Variants in TNFSF4 observed in about 807,000 individuals in gnomAD.
The protein encoded by TNFSF4 is tumor necrosis factor ligand superfamily member 4.
TNFSF4 carries 4 observed loss-of-function variants against 7.3 expected under a neutral mutation model. The observed-to-expected ratio is 0.55, with a 90% confidence interval of 0.27 to 1.25. The LOEUF (loss-of-function observed/expected upper bound fraction) is 1.25. TNFSF4 is among the 50% of genes most tolerant of loss of function. The pLI is 0.12. For synonymous variants in TNFSF4, 76 were observed against 83.7 expected (o/e 0.91, Z 0.50); for missense variants, 181 against 208.8 (o/e 0.87, Z 0.82).
chr1:173,306,612 T>A, the TNFSF4 span, among the ~76,000 whole-genome samples: 2 of 151,936 alleles, frequency 1.3e-5, no homozygotes, highest in African/African-American at 4.8e-5. Context: ...CTACACTTCC[T>A]ACACTTGTCT....
chr1:173,184,266 A>G lies in TNFSF4; in HGVS notation c.*2250T>C, dbSNP rs903611752. 3.3e-5 allele frequency: 5 copies of G among 152,346 alleles called. No homozygotes were observed. The highest frequency in any genetic ancestry group is 9.6e-5 in the African/African-American group (4 of 41,580). The allele number at this position is 152,346 out of a possible 1,614,324, so 9.4% of individuals were successfully genotyped here. A position where few individuals can be genotyped will look rare whatever the true frequency, so the allele number is the denominator to read the frequency against. On this transcript the variant is annotated 3_prime_UTR_variant, in exon 3 of 3. Transcript: ENST00000281834. ...TAAAATTCTGATCTCCTGACTTTTCATTCAATTCTTTTCCCACAAAACTCT... is the reference window on the plus strand; with the variant it reads ...TAAAATTCTGATCTCCTGACTTTTCGTTCAATTCTTTTCCCACAAAACTCT...
chr1:173,351,507 A>G, the TNFSF4 span, among the ~76,000 whole-genome samples: 347 of 152,314 alleles, frequency 2.3e-3, 3 homozygotes, highest in Non-Finnish European at 1.5e-3. Flanking sequence ...TCAGAAGTCA[A>G]AAAGGGATTG....
At chr1:173,327,488 C>A in the TNFSF4 span, among the ~76,000 whole-genome samples, 9 of 151,274 alleles carry the variant, frequency 5.9e-5, no homozygotes, top group Middle Eastern at 3.4e-3. Flanking sequence ...GCAACAAAAG[C>A]CAAAATTGAC....
the TNFSF4 span, among the ~76,000 whole-genome samples, chr1:173,255,660 C>T: frequency 6.6e-6 from 1 of 152,326 alleles, no homozygotes; most frequent in East Asian, 1.9e-4. Context: ...ACTAGTTAGA[C>T]ACATACTAGC....
the TNFSF4 span, among the ~76,000 whole-genome samples, chr1:173,333,198 G>A: frequency 6.6e-6 from 1 of 152,130 alleles, no homozygotes. Flanking sequence ...AGGCATTTTG[G>A]CAAGCCTTAT....
the TNFSF4 span, among the ~76,000 whole-genome samples, chr1:173,244,648 A>AAC: frequency 7.8e-6 from 1 of 128,042 alleles, no homozygotes; most frequent in African/African-American, 3.1e-5. Context: ...TCTCAAAAAA[A>AAC]AACAAAAAAC....
chr1:173,324,140 C>T, the TNFSF4 span, among the ~76,000 whole-genome samples: 2 of 152,192 alleles, frequency 1.3e-5, no homozygotes, highest in Non-Finnish European at 2.9e-5. Flanking sequence ...CAAAGGGGAG[C>T]CCATCAGACT....
At chr1:173,403,938 T>C in the TNFSF4 span, among the ~76,000 whole-genome samples, 1 of 152,022 alleles carries the variant, frequency 6.6e-6, no homozygotes, top group Non-Finnish European at 1.5e-5. Flanking sequence ...TTTTTCATTT[T>C]GTGTTTGTTT....
chr1:173,299,307 C>T, the TNFSF4 span, among the ~76,000 whole-genome samples: 16 of 151,808 alleles, frequency 1.1e-4, no homozygotes, highest in African/African-American at 3.9e-4. Context: ...CTGCTTTGCC[C>T]AAGATCATGG....
the TNFSF4 span, among the ~76,000 whole-genome samples, chr1:173,270,923 A>G: frequency 6.6e-6 from 1 of 152,160 alleles, no homozygotes; most frequent in African/African-American, 2.4e-5. Context: ...AATATATATG[A>G]GAGTACTTTT....
At chr1:173,340,283 C>T in the TNFSF4 span, among the ~76,000 whole-genome samples, 1 of 151,068 alleles carries the variant, frequency 6.6e-6, no homozygotes, top group Non-Finnish European at 1.5e-5. Context: ...TGTCAGCCTC[C>T]ATAATTGTAT....
chr1:173,312,815 A>T, the TNFSF4 span, among the ~76,000 whole-genome samples: 1 of 152,128 alleles, frequency 6.6e-6, no homozygotes, highest in East Asian at 1.9e-4. Context: ...GCCCCCAACC[A>T]GCACAAATGG....
At chr1:173,237,889 C>A in the TNFSF4 span, among the ~76,000 whole-genome samples, 2 of 152,160 alleles carry the variant, frequency 1.3e-5, no homozygotes, top group African/African-American at 4.8e-5. Context: ...ACATTCTTCA[C>A]TGAACTAGAA....
chr1:173,385,415 G>A, the TNFSF4 span, among the ~76,000 whole-genome samples: 2 of 152,170 alleles, frequency 1.3e-5, no homozygotes, highest in African/African-American at 4.8e-5. Context: ...ACAGGTGCAG[G>A]TCACTCTATA....
chr1:173,316,668 T>C, the TNFSF4 span, among the ~76,000 whole-genome samples: 199 of 152,258 alleles, frequency 1.3e-3, no homozygotes, highest in African/African-American at 4.6e-3. Context: ...CAAAATATAA[T>C]AAAAATAAAT....
At chr1:173,430,164 T>C in the TNFSF4 span, among the ~76,000 whole-genome samples, 1 of 152,150 alleles carries the variant, frequency 6.6e-6, no homozygotes, top group African/African-American at 2.4e-5. Context: ...ACACAGACGG[T>C]TGCAGGGAAT....
chr1:173,371,943 C>CT, the TNFSF4 span, among the ~76,000 whole-genome samples: 1 of 152,220 alleles, frequency 6.6e-6, no homozygotes, highest in Non-Finnish European at 1.5e-5. Flanking sequence ...TGGTCAGGCA[C>CT]TGGCCCAAGA....
intron 1 of TNFSF4, among the ~76,000 whole-genome samples, chr1:173,193,227 C>T (rs1571191026): frequency 6.6e-6 from 1 of 152,266 alleles, no homozygotes; most frequent in East Asian, 1.9e-4. Flanking sequence ...ATCCCCAGAT[C>T]TTCTCCACAT....
chr1:173,340,716 G>A, the TNFSF4 span, among the ~76,000 whole-genome samples: 1 of 150,736 alleles, frequency 6.6e-6, no homozygotes, highest in Non-Finnish European at 1.5e-5. Context: ...GCCTGAGAGT[G>A]ATAAAGAGGG....
Sources: allele counts gnomAD v4.1 joint callset (sites outside exome capture counted in the v4.1 genomes callset), GRCh38; gene constraint gnomAD v4.1.1; transcripts MANE v1.5; gene names NCBI Gene and HGNC (gene_info 2026-07-23, HGNC 2026-07-21).